The following PLA2G4C variants were observed in gnomAD, a reference collection of about 807,000 sequenced individuals.
PLA2G4C encodes the protein phospholipase A2 group IVC.
A neutral mutation model predicts 73.8 loss-of-function variants in PLA2G4C; 64 were observed. The ratio of observed to expected loss-of-function variants is 0.87; its 90% CI spans 0.71 to 1.07. PLA2G4C has a LOEUF of 1.07. PLA2G4C is among the 50% of genes least tolerant of loss of function. The probability of loss-of-function intolerance (pLI) is 0.00; values close to 1 mark genes in which losing one functional copy is unlikely to be tolerated. For missense variants in PLA2G4C, 622 were observed against 665.4 expected, an observed-to-expected ratio of 0.93 and a Z score of 0.72; for synonymous variants, 254 against 252.1, an observed-to-expected ratio of 1.01 and a Z score of -0.07.
chr19:48,087,220 C>G (rs2031029520), intron 9 of PLA2G4C, among the ~76,000 whole-genome samples: 1 of 152,190 alleles, frequency 6.6e-6, no homozygotes, highest in Non-Finnish European at 1.5e-5. Flanking sequence ...AGCAGGGACA[C>G]AGTTTCAGTG....
In PLA2G4C at chr19:48,077,803, T is replaced by A. The variant is rs763365423; in HGVS notation, c.866A>T (p.Glu289Val). 1.9e-6 allele frequency: 3 copies of A among 1,607,334 alleles called. No individual in the cohort carries two copies. Among genetic ancestry groups the A allele is most frequent in the African/African-American group, 2.7e-5 (2 of 74,522 alleles). Reference protein sequence around the residue: ...LIFARLLRLQESSQGEHPPPE... With the variant: ...LIFARLLRLQVSSQGEHPPPE... ...GGGAGGATGTTCCCCTTGTGAACTT[T>A]CTTGCAGCCTCAGTAATCGGGCTGC... The change falls in exon 11 of 17, where the codon GAA becomes GTA. Residue 289 changes from glutamate (E) to valine (V), a missense_variant. Coordinates refer to ENST00000599921, the MANE Select transcript of PLA2G4C (RefSeq NM_003706.3).
At chr19:48,103,110 A>T (rs1251213534) in intron 4 of PLA2G4C, among the ~76,000 whole-genome samples, 1 of 152,038 alleles carries the variant, frequency 6.6e-6, no homozygotes, top group Non-Finnish European at 1.5e-5. Context: ...TGGGCTCAAG[A>T]GATCCTCCCA....
intron 14 of PLA2G4C, among the ~76,000 whole-genome samples, chr19:48,060,543 ACT>A (rs1244086206): frequency 6.6e-6 from 1 of 152,034 alleles, no homozygotes; most frequent in East Asian, 1.9e-4. Context: ...TGGTGCAGAG[ACT>A]CTGCAGATCT....
intron 1 of PLA2G4C, among the ~76,000 whole-genome samples, chr19:48,106,828 CCTCTGTCTCTGT>C (rs905028330): frequency 6.6e-6 from 1 of 152,060 alleles, no homozygotes; most frequent in Non-Finnish European, 1.5e-5. Flanking sequence ...TCTTTCTCTG[CCTCTGTCTCTGT>C]CTCTGTCTGT....
At chr19:48,100,617 A>AG in intron 4 of PLA2G4C, among the ~76,000 whole-genome samples, 10 of 147,792 alleles carry the variant, frequency 6.8e-5, no homozygotes, top group African/African-American at 2.3e-4. Flanking sequence ...AAAAAAAAAA[A>AG]AAAAAAAAAA....
At chr19:48,057,971 T>C (rs1968021030) in intron 14 of PLA2G4C, among the ~76,000 whole-genome samples, 1 of 151,090 alleles carries the variant, frequency 6.6e-6, no homozygotes. Flanking sequence ...TAGCTGGGAC[T>C]ACAGGCGTGA....
chr19:48,107,984 C>T (rs2032315505), intron 1 of PLA2G4C, among the ~76,000 whole-genome samples: 1 of 152,190 alleles, frequency 6.6e-6, no homozygotes, highest in South Asian at 2.1e-4. Context: ...ATGACTCACA[C>T]TCCTTACTCT....
At chr19:48,049,607 G>A (rs11564666) in intron 16 of PLA2G4C, among the ~76,000 whole-genome samples, 6,853 of 152,288 alleles carry the variant, frequency 0.045, 203 homozygotes, top group East Asian at 0.074. Flanking sequence ...TCCAGGAAAT[G>A]TTTGTGGAAT....
chr19:48,086,497 C>T (rs1600222424), intron 9 of PLA2G4C, among the ~76,000 whole-genome samples: 1 of 152,246 alleles, frequency 6.6e-6, no homozygotes, highest in East Asian at 1.9e-4. Flanking sequence ...CACAAAACTG[C>T]CTGACCCAGC....
At chr19:48,092,742 CA>C (rs1371135501) in intron 7 of PLA2G4C, among the ~76,000 whole-genome samples, 4 of 151,624 alleles carry the variant, frequency 2.6e-5, no homozygotes, top group African/African-American at 9.7e-5. Context: ...TTGTGGTTGT[CA>C]GGGGCTAAGG....
Position 48,054,610 on chromosome 19 carries a change from C to T in PLA2G4C, c.1429+268G>A, listed in dbSNP as rs542205651. ...GATTACAGGCATGAGCCACCGCGCC[C>T]GGCTGATCTGATGATTTTATAAGCA... On this transcript the variant is annotated intron_variant, in intron 15 of 16. Transcript: ENST00000599921. Among the ~76,000 whole-genome samples, 136 of 152,082 alleles carry T rather than the reference C, an allele frequency of 8.9e-4. 1 individual carries two copies. The highest frequency in any genetic ancestry group is 7.9e-3 in the Admixed American group (120 of 15,268).
At chr19:48,091,991 A>T (rs1654386) in intron 7 of PLA2G4C, among the ~76,000 whole-genome samples, 1 of 151,474 alleles carries the variant, frequency 6.6e-6, no homozygotes, top group Non-Finnish European at 1.5e-5. Context: ...GAAATTGGAA[A>T]CCTGGGACAC....
At chr19:48,070,857 A>G in intron 12 of PLA2G4C, among the ~76,000 whole-genome samples, 1 of 152,192 alleles carries the variant, frequency 6.6e-6, no homozygotes, top group South Asian at 2.1e-4. Context: ...TTACCTGGGT[A>G]ACAAACCTGC....
intron 16 of PLA2G4C, among the ~76,000 whole-genome samples, chr19:48,049,160 T>G (rs1349145096): frequency 6.6e-6 from 1 of 152,204 alleles, no homozygotes; most frequent in Non-Finnish European, 1.5e-5. Context: ...ACCTCTTTCC[T>G]TTATAAATTA....
At chr19:48,056,847 A>AG (rs1967961739) in intron 14 of PLA2G4C, among the ~76,000 whole-genome samples, 1 of 151,588 alleles carries the variant, frequency 6.6e-6, no homozygotes, top group Admixed American at 6.6e-5. Flanking sequence ...AAAAAAAAAA[A>AG]AAAAAAGATA....
At position 48,062,157 on chromosome 19, in the gene PLA2G4C, G is replaced by A; in HGVS notation, c.1103-5C>T. ...TTATCTTGTCCCGGATGCCACCTGT[G>A]GTGCCCAGGAAGAAAGAGGATCAGC... On this transcript the variant is annotated splice_region_variant and splice_polypyrimidine_tract_variant and intron_variant, in intron 13 of 16. Coordinates refer to ENST00000599921, the MANE Select transcript of PLA2G4C (RefSeq NM_003706.3). The A allele has an allele frequency of 6.4e-7, 1 of 1,552,004 alleles. No individual in the cohort carries two copies. Among genetic ancestry groups the A allele is most frequent in the Non-Finnish European group, 8.7e-7 (1 of 1,147,368 alleles).
In PLA2G4C at chr19:48,110,385, A is replaced by G. The variant is rs898707682; in HGVS notation, c.-33+102T>C. The G allele has an allele frequency of 1.3e-5, 9 of 706,596 alleles. No individual in the cohort carries two copies. The East Asian group carries it at 2.9e-4, about 23-fold the overall frequency. The allele number at this position is 706,596 out of a possible 1,614,324, so 43.8% of individuals were successfully genotyped here. A position where few individuals can be genotyped will look rare whatever the true frequency, so the allele number is the denominator to read the frequency against. The stretch of plus-strand genomic sequence containing the variant: ...AAATAAATAAAATAAAATAAAATAA[A>G]AAAGAAAAAGAAATCCTGTTATTTA... On this transcript the variant is annotated intron_variant, in intron 1 of 16. Coordinates refer to ENST00000599921, the MANE Select transcript of PLA2G4C (RefSeq NM_003706.3).
chr19:48,068,812 G>A (rs1000531910), intron 12 of PLA2G4C, among the ~76,000 whole-genome samples: 2 of 151,912 alleles, frequency 1.3e-5, no homozygotes, highest in Non-Finnish European at 2.9e-5. Flanking sequence ...TGGGCTGAGA[G>A]GATGCGGTGA....
intron 13 of PLA2G4C, among the ~76,000 whole-genome samples, chr19:48,066,189 C>T (rs1269467284): frequency 6.6e-6 from 1 of 152,122 alleles, no homozygotes; most frequent in Non-Finnish European, 1.5e-5. Flanking sequence ...CCCCCACTTC[C>T]CATCAGGGAC....
Sources: allele counts gnomAD v4.1 joint callset (sites outside exome capture counted in the v4.1 genomes callset), GRCh38; gene constraint gnomAD v4.1.1; transcripts MANE v1.5; gene names NCBI Gene and HGNC (gene_info 2026-07-23, HGNC 2026-07-21).